The following GPC6 variants were observed in gnomAD, a reference collection of about 807,000 sequenced individuals.
GPC6 encodes glypican-6.
In GPC6, 14 loss-of-function variants were observed where a neutral mutation model predicts 55.2. The ratio of observed to expected loss-of-function variants is 0.25; its 90% CI spans 0.17 to 0.40. GPC6 has a LOEUF of 0.40. Ranked by LOEUF, GPC6 falls within the 10% of genes least tolerant of loss-of-function variation. The probability of loss-of-function intolerance (pLI) is 1.00; values close to 1 mark genes in which losing one functional copy is unlikely to be tolerated. For missense variants in GPC6, 641 were observed against 708.5 expected, an observed-to-expected ratio of 0.90 and a Z score of 1.08; for synonymous variants, 278 against 259.6, an observed-to-expected ratio of 1.07 and a Z score of -0.68.
intron 4 of GPC6, among the ~76,000 whole-genome samples, chr13:94,215,410 T>C (rs1305223085): frequency 6.6e-6 from 1 of 152,194 alleles, no homozygotes; most frequent in Non-Finnish European, 1.5e-5. Flanking sequence ...CCTAAAATAA[T>C]CATTTCCTTA....
chr13:94,015,265 A>G (rs1405679511), intron 3 of GPC6, among the ~76,000 whole-genome samples: 1 of 152,008 alleles, frequency 6.6e-6, no homozygotes, highest in Non-Finnish European at 1.5e-5. Context: ...TTTGATTTGC[A>G]TTTCCCTAAT....
intron 2 of GPC6, among the ~76,000 whole-genome samples, chr13:93,792,314 G>GT (rs1431546218): frequency 1.3e-5 from 2 of 152,164 alleles, no homozygotes; most frequent in African/African-American, 2.4e-5. Context: ...GGTCTATAGG[G>GT]TTTTTTTCTT....
chr13:93,661,568 A>G (rs1200181604), intron 2 of GPC6, among the ~76,000 whole-genome samples: 32 of 152,152 alleles, frequency 2.1e-4, no homozygotes, highest in Admixed American at 2.1e-3. Context: ...CAAAGATCTC[A>G]TAACTTACAG....
chr13:94,004,667 A>T (rs1260623374), intron 3 of GPC6, among the ~76,000 whole-genome samples: 1 of 152,196 alleles, frequency 6.6e-6, no homozygotes, highest in Non-Finnish European at 1.5e-5. Flanking sequence ...TTGTATGTAT[A>T]GTTTGACTTC....
At chr13:94,135,846 A>G (rs768386826) in intron 4 of GPC6, among the ~76,000 whole-genome samples, 3 of 152,218 alleles carry the variant, frequency 2.0e-5, no homozygotes, top group South Asian at 2.1e-4. Flanking sequence ...CAGGGATGCC[A>G]CAGAAACCCA....
chr13:93,631,496 G>A (rs1879428195), intron 2 of GPC6, among the ~76,000 whole-genome samples: 1 of 152,186 alleles, frequency 6.6e-6, no homozygotes, highest in South Asian at 2.1e-4. Flanking sequence ...TTAAGCCACT[G>A]ACTCTGTGAT....
chr13:94,186,080 A>AAAAAAAAT lies in GPC6; in HGVS notation c.878-100269_878-100268insAAAAAAAT, dbSNP rs1555305226. ...GTCTCCAAAAAAAAAAAAAAAAAAA[A>AAAAAAAAT]GGTTTTCTTACTGAGAAATTATTTT... On this transcript the variant is annotated intron_variant, in intron 4 of 8. Coordinates refer to ENST00000377047, the MANE Select transcript of GPC6 (RefSeq NM_005708.5). Among the ~76,000 whole-genome samples the AAAAAAAAT allele has an allele frequency of 1.7e-4, 26 of 149,278 alleles. 1 individual carries two copies. The highest frequency in any genetic ancestry group is 7.3e-4 in the Admixed American group (11 of 14,972).
intron 1 of GPC6, among the ~76,000 whole-genome samples, chr13:93,486,214 G>A (rs940025323): frequency 6.6e-6 from 1 of 152,164 alleles, no homozygotes; most frequent in Non-Finnish European, 1.5e-5. Context: ...AATCATTTCA[G>A]TTGGGTAGAA....
intron 2 of GPC6, among the ~76,000 whole-genome samples, chr13:93,661,637 A>G (rs1327241556): frequency 6.6e-6 from 1 of 152,170 alleles, no homozygotes; most frequent in African/African-American, 2.4e-5. Context: ...GTGATAGGGT[A>G]ATTTTTCTCA....
intron 1 of GPC6, among the ~76,000 whole-genome samples, chr13:93,490,511 T>A (rs1275065246): frequency 3.6e-5 from 2 of 55,112 alleles, no homozygotes; most frequent in African/African-American, 1.4e-4. Flanking sequence ...TTTTTTTTTT[T>A]GAGTTTTTTT....
At chr13:94,370,031 G>A (rs1438106056) in intron 6 of GPC6, among the ~76,000 whole-genome samples, 2 of 152,226 alleles carry the variant, frequency 1.3e-5, no homozygotes, top group African/African-American at 2.4e-5. Flanking sequence ...TGGCTGTGGA[G>A]CAGTTATTCC....
chr13:94,164,641 C>A (rs541312967), intron 4 of GPC6, among the ~76,000 whole-genome samples: 1 of 152,284 alleles, frequency 6.6e-6, no homozygotes, highest in South Asian at 2.1e-4. Flanking sequence ...ATACTGAGAT[C>A]TTCCTCTTCC....
Position 93,488,076 on chromosome 13 carries a change from C to T in GPC6, c.161-57187C>T, listed in dbSNP as rs533965597. Among the ~76,000 whole-genome samples, 26 of 152,258 alleles carry T rather than the reference C, an allele frequency of 1.7e-4. 1 individual carries two copies. The South Asian group carries it at 3.5e-3, about 21-fold the overall frequency. ...AGTTGGTGTGCTGCACCCACTAACT[C>T]GTCATTTACATTAGGTATATCGCCT... On this transcript the variant is annotated intron_variant, in intron 1 of 8. Coordinates refer to ENST00000377047, the MANE Select transcript of GPC6 (RefSeq NM_005708.5).
intron 1 of GPC6, among the ~76,000 whole-genome samples, chr13:93,438,111 C>G (rs117811426): frequency 6.6e-6 from 1 of 152,052 alleles, no homozygotes; most frequent in Admixed American, 6.6e-5. Flanking sequence ...ATTCCTGAGA[C>G]CTACTGCTCA....
intron 1 of GPC6, among the ~76,000 whole-genome samples, chr13:93,496,506 G>A (rs1382770000): frequency 6.6e-6 from 1 of 152,200 alleles, no homozygotes; most frequent in Non-Finnish European, 1.5e-5. Context: ...GTAGACCGGA[G>A]CTGTTCCTAT....
At chr13:93,363,381 G>A (rs1312549225) in intron 1 of GPC6, among the ~76,000 whole-genome samples, 5 of 151,236 alleles carry the variant, frequency 3.3e-5, no homozygotes, top group East Asian at 2.0e-4. Context: ...GAGAATATGC[G>A]GTGTTTGGTT....
chr13:93,482,341 A>G (rs1045248754), intron 1 of GPC6, among the ~76,000 whole-genome samples: 13 of 152,086 alleles, frequency 8.5e-5, no homozygotes, highest in Non-Finnish European at 1.3e-4. Context: ...CTTCCTTTCC[A>G]AACTGGATGC....
intron 3 of GPC6, among the ~76,000 whole-genome samples, chr13:93,895,064 A>G (rs1398313849): frequency 6.6e-6 from 1 of 150,730 alleles, no homozygotes; most frequent in Non-Finnish European, 1.5e-5. Flanking sequence ...TACAGCAAAT[A>G]TATATATTTT....
At chr13:93,800,104 G>T (rs1420929037) in intron 2 of GPC6, among the ~76,000 whole-genome samples, 1 of 152,134 alleles carries the variant, frequency 6.6e-6, no homozygotes, top group African/African-American at 2.4e-5. Flanking sequence ...TATCTTTCAA[G>T]TGTGCATTTA....
Sources: allele counts gnomAD v4.1 joint callset (sites outside exome capture counted in the v4.1 genomes callset), GRCh38; gene constraint gnomAD v4.1.1; transcripts MANE v1.5; gene names NCBI Gene and HGNC (gene_info 2026-07-23, HGNC 2026-07-21).